DDX23: variants seen among roughly 807,000 people sequenced by gnomAD.
DDX23 encodes DEAD-box helicase 23.
Under a neutral mutation model 102.7 loss-of-function variants are expected in DDX23, and 33 were observed. The ratio of observed to expected loss-of-function variants is 0.32; its 90% CI spans 0.24 to 0.43. The LOEUF (loss-of-function observed/expected upper bound fraction) is 0.43, where lower values mean the gene tolerates loss of function less well. Among genes scored for constraint, DDX23 ranks in the 20% least tolerant of loss-of-function variants. The pLI, the probability that DDX23 is intolerant of heterozygous loss-of-function variation, is 1.00. For synonymous variants in DDX23, 352 were observed against 376.0 expected (o/e 0.94, Z 0.74); for missense variants, 549 against 1,086.6 (o/e 0.51, Z 6.96).
Position 48,833,399 on chromosome 12 carries a change from G to A in DDX23, c.1681C>T (p.Pro561Ser), listed in dbSNP as rs76755996. ...TGCTCCAGGATCTTCTGGACATCTG[G>A]CTCAAAGCCCATGTCAATCATCCTA... The part of the protein sequence containing the change: ...ADRMIDMGFE[P>S]DVQKILEHMP... Residue 561 changes from proline (P) to serine (S), a missense_variant, in exon 13 of 17, where the codon CCA becomes TCA. Around this residue, in one of 4 missense-constraint regions of DDX23, gnomAD observed 270 missense variants for 707.0 expected, o/e 0.38. Transcript: ENST00000308025. 3.1e-6 allele frequency: 5 copies of A among 1,614,176 alleles called. No homozygotes were observed. The East Asian group carries it at 1.1e-4, about 36-fold the overall frequency.
intron 13 of DDX23, 46 bp downstream of exon 13, chr12:48,833,231 C>T (rs377636907): frequency 2.9e-5 from 47 of 1,606,158 alleles, no homozygotes; most frequent in African/African-American, 2.7e-5. Flanking sequence ...GTGATCCACC[C>T]GCCTTGGCCT....
At chr12:48,844,182 A>C (rs1938623362) in intron 2 of DDX23, 132 bp from the exon 3 acceptor site, 7 of 835,800 alleles carry the variant, frequency 8.4e-6, no homozygotes, top group Admixed American at 2.1e-5. Context: ...CTCTCACGGA[A>C]ATAACGAGGG....
chr12:48,850,804 C>T (rs1938744024), intron 1 of DDX23, among the ~76,000 whole-genome samples: 1 of 152,096 alleles, frequency 6.6e-6, no homozygotes, highest in Non-Finnish European at 1.5e-5. Flanking sequence ...GAAGTAACCA[C>T]TGAATTTGGA....
At chr12:48,835,981 C>T (rs111374945) in intron 11 of DDX23, 140 bp downstream of exon 11, 37 of 990,862 alleles carry the variant, frequency 3.7e-5, no homozygotes, top group African/African-American at 4.8e-5. Context: ...TATCATGATC[C>T]AATTATTCCC....
chr12:48,845,819 G>T, intron 1 of DDX23, 37 bp from the exon 2 acceptor site: 1 of 1,598,788 alleles, frequency 6.3e-7, no homozygotes, highest in Non-Finnish European at 8.5e-7. Context: ...AATGTACTAG[G>T]CACTGCTCTA....
rs1592202238 is a variant in DDX23, at chr12:48,840,120, G to C, written c.321-14C>G. The C allele has an allele frequency of 6.2e-7, 1 of 1,601,354 alleles. No individual in the cohort carries two copies. Among genetic ancestry groups the C allele is most frequent in the Non-Finnish European group, 8.6e-7 (1 of 1,168,620 alleles). ...CCAGGAGATAAGCTTTGAGGAAAAG[G>C]AACAAGGTCCACATCACTCTTACTT... is the stretch of plus-strand genomic sequence containing the variant. On this transcript the variant is annotated splice_polypyrimidine_tract_variant and intron_variant, in intron 3 of 16. Transcript: ENST00000308025.
rs928028162 is a variant in DDX23 at position 48,845,736 on chromosome 12, G to A, written c.47C>T (p.Ser16Phe). The A allele has an allele frequency of 6.2e-7, 1 of 1,614,046 alleles. No individual in the cohort carries two copies. Among genetic ancestry groups the A allele is most frequent in the African/African-American group, 1.3e-5 (1 of 74,920 alleles). Reference protein sequence around the residue: ...ADKKDRDASPSKEERKRSRTP... With the variant: ...ADKKDRDASPFKEERKRSRTP... ...CCGTGATCGCTTCCTTTCCTCCTTG[G>A]AAGGTGATGCATCACGGTCCTTTTT... The change falls in exon 2 of 17, where the codon TCC (serine) becomes TTC (phenylalanine). Residue 16 changes from serine (S) to phenylalanine (F), a missense_variant. Physicochemically the swap from Ser to Phe is radical, Grantham distance 155. Around this residue, in one of 4 missense-constraint regions of DDX23, gnomAD observed 241 missense variants for 267.0 expected, o/e 0.90. Transcript: ENST00000308025.
chr12:48,842,862 AAAGGTGGGG>A lies in DDX23; in HGVS notation c.320+1069_320+1077del, dbSNP rs879906121. On this transcript the variant is annotated intron_variant, in intron 3 of 16. Coordinates refer to ENST00000308025, the MANE Select transcript of DDX23 (RefSeq NM_004818.3). ...CGGTTTTGTGGAATAGAAAGGCGGG[AAAGGTGGGG>A]AAAAGATTGAGAAATCGGATGGTTG... Among the ~76,000 whole-genome samples, 358 of 152,146 alleles carry A rather than the reference AAAGGTGGGG, an allele frequency of 2.4e-3. 1 individual carries two copies. The highest frequency in any genetic ancestry group is 4.1e-3 in the Non-Finnish European group (276 of 67,966).
In DDX23 at chr12:48,845,698, C is replaced by T; in HGVS notation, c.85G>A (p.Glu29Lys). The T allele has an allele frequency of 6.2e-7, 1 of 1,614,250 alleles. No individual in the cohort carries two copies. The highest frequency in any genetic ancestry group is 8.5e-7 in the Non-Finnish European group (1 of 1,180,050). Residue 29 changes from glutamate to lysine, a missense_variant, in exon 2 of 17, where the codon GAG (glutamate) becomes AAG (lysine). Transcript: ENST00000308025. The stretch of plus-strand genomic sequence containing the variant: ...TTCCGGTCCCGGTCTCTATCCCGCT[C>T]TCTGTCAGGAGTCCGTGATCGCTTC... ...ERKRSRTPDR[E>K]RDRDRDRKSS...
At position 48,836,180 on chromosome 12, in the gene DDX23, C is replaced by T. The variant is rs749299522; in HGVS notation, c.1323G>A (p.Lys441=). The T allele has an allele frequency of 6.2e-7, 1 of 1,613,752 alleles. No individual in the cohort carries two copies. The change falls in exon 11 of 17, where the codon AAG becomes AAA. Residue 441 remains lysine, a synonymous_variant. Transcript: ENST00000308025. The surrounding 1 kb of genome is among the most constrained non-coding windows in gnomAD (Gnocchi z 6.1). ...GCAGAGGGATGAGGAAGGCTGCTGTCTTGCCACTGCCAGTCTCAGCCACAC... is the reference window on the plus strand; with the variant it reads ...GCAGAGGGATGAGGAAGGCTGCTGTTTTGCCACTGCCAGTCTCAGCCACAC... ...IIGVAETGSG[K]TAAFLIPLLV...
intron 2 of DDX23, 51 bp from the exon 3 acceptor site, chr12:48,844,101 C>T: frequency 6.4e-7 from 1 of 1,561,214 alleles, no homozygotes; most frequent in Non-Finnish European, 8.8e-7. Context: ...AAGTATCTTG[C>T]TTCACTGCAG....
chr12:48,846,294 T>G (rs140736577), intron 1 of DDX23, among the ~76,000 whole-genome samples: 149 of 152,362 alleles, frequency 9.8e-4, no homozygotes, highest in African/African-American at 3.4e-3. Context: ...TTTCTAAATA[T>G]GTACAGTGAA....
chr12:48,841,223 T>C (rs1424532027), intron 3 of DDX23, among the ~76,000 whole-genome samples: 1 of 152,048 alleles, frequency 6.6e-6, no homozygotes, highest in Non-Finnish European at 1.5e-5. Context: ...CTGTCTCTAC[T>C]AAAAATACAA....
intron 1 of DDX23, 124 bp from the exon 2 acceptor site, chr12:48,845,906 G>A: frequency 5.9e-6 from 6 of 1,022,790 alleles, no homozygotes; most frequent in Non-Finnish European, 8.5e-6. Flanking sequence ...CCGTACAGAT[G>A]AGAACGGTGG....
chr12:48,845,912 G>A (rs900838584), intron 1 of DDX23, 130 bp from the exon 2 acceptor site: 18 of 1,015,004 alleles, frequency 1.8e-5, no homozygotes, highest in African/African-American at 1.6e-4. Flanking sequence ...AGATGAGAAC[G>A]GTGGAGCTCA....
At chr12:48,844,318 G>A (rs747508641) in intron 2 of DDX23, among the ~76,000 whole-genome samples, 8 of 151,980 alleles carry the variant, frequency 5.3e-5, no homozygotes, top group Non-Finnish European at 7.4e-5. Flanking sequence ...TCACTCTCAC[G>A]CCCAGGCTGG....
intron 3 of DDX23, among the ~76,000 whole-genome samples, chr12:48,842,478 A>G (rs1175441010): frequency 2.5e-4 from 18 of 72,918 alleles, no homozygotes; most frequent in Admixed American, 8.0e-4. Context: ...CCGGCCAGCC[A>G]CCCCGTCCGG....
chr12:48,844,605 G>T (rs936995360), intron 2 of DDX23, among the ~76,000 whole-genome samples: 70 of 149,606 alleles, frequency 4.7e-4, no homozygotes, highest in African/African-American at 1.7e-3. Flanking sequence ...TGATAACCCG[G>T]ACCTTCACCT....
chr12:48,847,949 T>C (rs761929394), intron 1 of DDX23, among the ~76,000 whole-genome samples: 2 of 152,190 alleles, frequency 1.3e-5, no homozygotes, highest in Non-Finnish European at 2.9e-5. Context: ...ACCTACAAGG[T>C]GCCAGAAATT....
Sources: gnomAD v4.1 joint callset for allele counts (sites outside exome capture counted in the v4.1 genomes callset) on GRCh38, gnomAD v4.1.1 for gene constraint, gnomAD v4.1.1 regional missense constraint, Gnocchi (gnomAD v3.1) non-coding constraint, MANE v1.5 for transcripts, NCBI Gene and HGNC (gene_info 2026-07-23, HGNC 2026-07-21) for gene names.